MYH14: variants seen among roughly 807,000 people sequenced by gnomAD.
MYH14 encodes the protein myosin heavy chain 14, also known as myosin-14.
A neutral mutation model predicts 255.5 loss-of-function variants in MYH14; 123 were observed. The ratio of observed to expected loss-of-function variants is 0.48; its 90% confidence interval spans 0.42 to 0.56. The LOEUF is 0.56. MYH14 is among the 20% of genes least tolerant of loss of function. MYH14 has a pLI of 0.00. For synonymous variants in MYH14, 1,095 were observed against 1,161.2 expected (o/e 0.94, Z 1.16); for missense variants, 2,423 against 2,802.3 (o/e 0.86, Z 3.06).
chr19:50,242,722 C>T (rs927749479), intron 10 of MYH14, among the ~76,000 whole-genome samples: 1 of 152,196 alleles, frequency 6.6e-6, no homozygotes, highest in Non-Finnish European at 1.5e-5. Context: ...TGCATAGCAT[C>T]ACCATGAAAT....
intron 39 of MYH14, among the ~76,000 whole-genome samples, chr19:50,301,164 G>A (rs899025230): frequency 3.3e-5 from 5 of 152,148 alleles, no homozygotes; most frequent in Non-Finnish European, 5.9e-5. Context: ...GTTTATTGAG[G>A]CCGTGTTTCT....
chr19:50,206,113 CG>C (rs2031734430), intron 1 of MYH14, among the ~76,000 whole-genome samples: 2 of 152,042 alleles, frequency 1.3e-5, no homozygotes, highest in Admixed American at 1.3e-4. Flanking sequence ...AGGCCCTGCC[CG>C]CCCCATCAGG....
chr19:50,274,401 T>C (rs1371126156), intron 27 of MYH14, among the ~76,000 whole-genome samples: 1 of 152,084 alleles, frequency 6.6e-6, no homozygotes, highest in Non-Finnish European at 1.5e-5. Flanking sequence ...TTCAAGCAAT[T>C]CTCCTGCCTC....
Position 50,230,836 on chromosome 19 carries a change from G to A in MYH14, c.973+213G>A. 5.4e-6 allele frequency: 3 copies of A among 553,866 alleles called. No homozygotes were observed. The highest frequency in any genetic ancestry group is 9.7e-6 in the Non-Finnish European group (3 of 309,984). The allele number at this position is 553,866 out of a possible 1,614,324, so 34.3% of individuals were successfully genotyped here. ...CGCTCTGGTTCCAGCTCTGTCCCGG[G>A]TCTGGCTCGCGCCCGCTGTCACGGC... On this transcript the variant is annotated intron_variant, in intron 9 of 42. Coordinates refer to ENST00000642316, the MANE Select transcript of MYH14 (RefSeq NM_001145809.2). This position sits in a 1 kb window ranked among gnomAD's most constrained non-coding sequence, Gnocchi z 4.7.
In MYH14 at chr19:50,259,235, A is replaced by G. The variant is rs1409477675; in HGVS notation, c.2324A>G (p.Asn775Ser). The change falls in exon 19 of 43, where the codon AAC (asparagine) becomes AGC (serine). Residue 775 changes from asparagine to serine, a missense_variant. Around this residue, in one of 3 missense-constraint regions of MYH14, gnomAD observed 672 missense variants for 881.8 expected, o/e 0.76. Coordinates refer to ENST00000642316, the MANE Select transcript of MYH14 (RefSeq NM_001145809.2). ...GIRICRQGFP[N>S]RILFQEFRQR... Reference sequence around the variant, plus strand: ...CGCATCTGTCGCCAGGGCTTCCCCAACCGCATCCTCTTCCAGGAGTTCCGG... The same window carrying G: ...CGCATCTGTCGCCAGGGCTTCCCCAGCCGCATCCTCTTCCAGGAGTTCCGG... 12 of 1,588,320 alleles carry G rather than the reference A, an allele frequency of 7.6e-6. No homozygotes were observed. Among genetic ancestry groups the G allele is most frequent in the African/African-American group, 1.3e-5 (1 of 74,498 alleles).
chr19:50,244,361 C>G, intron 11 of MYH14, 24 bp downstream of exon 11: 1 of 1,603,920 alleles, frequency 6.2e-7, no homozygotes. Flanking sequence ...CCTGCCTGCC[C>G]ACGACCTCCA....
chr19:50,264,954 A>T (rs1399761848), intron 22 of MYH14, among the ~76,000 whole-genome samples: 1 of 152,170 alleles, frequency 6.6e-6, no homozygotes, highest in Non-Finnish European at 1.5e-5. Context: ...GCAGTAATGT[A>T]ATTCTGAATA....
chr19:50,240,445 G>A (rs1054276286), intron 10 of MYH14, among the ~76,000 whole-genome samples: 1 of 152,120 alleles, frequency 6.6e-6, no homozygotes. Flanking sequence ...GCTGGGCATG[G>A]TGGTGAGCAT....
chr19:50,250,492 C>G lies in MYH14; in HGVS notation c.1657-23C>G. ...CCAATATGTGGGGATCTGACTTACT[C>G]TCCCCCTGCTGTCAATGGCCAGGCC... is the stretch of plus-strand genomic sequence containing the variant. On this transcript the variant is annotated intron_variant, in intron 14 of 42. Transcript: ENST00000642316. This position sits in a 1 kb window ranked among gnomAD's most constrained non-coding sequence, Gnocchi z 5.4. 6.2e-7 allele frequency: 1 copy of G among 1,606,832 alleles called. No homozygotes were observed. Among genetic ancestry groups the G allele is most frequent in the Non-Finnish European group, 8.5e-7 (1 of 1,176,274 alleles).
Position 50,271,273 on chromosome 19 carries a change from G to A in MYH14, c.3034-136G>A, listed in dbSNP as rs369680891. On this transcript the variant is annotated intron_variant, in intron 24 of 42. Coordinates refer to ENST00000642316, the MANE Select transcript of MYH14 (RefSeq NM_001145809.2). ...GCCAATAAGAGTTTGATCCTTCCCG[G>A]CCTCACCCAGGGCATGGACATCTCT... 4.2e-4 allele frequency: 353 copies of A among 848,354 alleles called. 3 individuals are homozygous for A. In the East Asian group the frequency reaches 7.9e-3, roughly 19 times the overall value. 52.6% of individuals were successfully genotyped at this position (848,354 alleles called of 1,614,324 possible). A position where few individuals can be genotyped will look rare whatever the true frequency, so the allele number is the denominator to read the frequency against.
Position 50,276,072 on chromosome 19 carries a change from G to A in MYH14, c.3549G>A (p.Glu1183=). The change falls in exon 28 of 43, where the codon GAG becomes GAA. Residue 1183 remains glutamate, a synonymous_variant. Coordinates refer to ENST00000642316, the MANE Select transcript of MYH14 (RefSeq NM_001145809.2). This position sits in a 1 kb window ranked among gnomAD's most constrained non-coding sequence, Gnocchi z 4.3. ...AAGCAGCCCTGGCCGAGGCCCAGGA[G>A]GACCTGGAGTCTGAGCGTGTGGCCA... ...EAQAALAEAQ[E]DLESERVART... 6.2e-7 allele frequency: 1 copy of A among 1,611,630 alleles called. No homozygotes were observed. The highest frequency in any genetic ancestry group is 8.5e-7 in the Non-Finnish European group (1 of 1,179,274).
At chr19:50,263,680 G>T (rs533945863) in intron 22 of MYH14, among the ~76,000 whole-genome samples, 2 of 152,286 alleles carry the variant, frequency 1.3e-5, no homozygotes, top group Admixed American at 6.5e-5. Context: ...TCTGTTCAAG[G>T]ATTTGCTGGA....
chr19:50,301,653 T>G lies in MYH14; in HGVS notation c.5470-8T>G. The G allele has an allele frequency of 1.2e-6, 2 of 1,606,272 alleles. No homozygotes were observed. Among genetic ancestry groups the G allele is most frequent in the Non-Finnish European group, 1.7e-6 (2 of 1,173,578 alleles). On this transcript the variant is annotated splice_polypyrimidine_tract_variant and splice_region_variant and intron_variant, in intron 39 of 42. Coordinates refer to ENST00000642316, the MANE Select transcript of MYH14 (RefSeq NM_001145809.2). Reference sequence around the variant, plus strand: ...ACCATGACATCCTTCCTTCCCCTCCTGCTACAGGTAGAGTCACTGACCACA... The same window carrying G: ...ACCATGACATCCTTCCTTCCCCTCCGGCTACAGGTAGAGTCACTGACCACA...
At chr19:50,231,800 T>C in intron 9 of MYH14, 130 bp from the exon 10 acceptor site, 1 of 1,247,980 alleles carries the variant, frequency 8.0e-7, no homozygotes, top group Non-Finnish European at 1.1e-6. Flanking sequence ...CCCACCACAC[T>C]TGTGAGTAAA....
intron 39 of MYH14, among the ~76,000 whole-genome samples, chr19:50,295,047 C>T (rs1038683643): frequency 1.3e-5 from 2 of 149,398 alleles, no homozygotes; most frequent in African/African-American, 5.0e-5. Flanking sequence ...CAGGTGTGGC[C>T]GGGCGCGGTG....
At chr19:50,275,547 C>T (rs2035472053) in intron 27 of MYH14, among the ~76,000 whole-genome samples, 1 of 152,212 alleles carries the variant, frequency 6.6e-6, no homozygotes, top group African/African-American at 2.4e-5. Flanking sequence ...ATGAGTCAGG[C>T]TGGGCGAAGT....
At position 50,249,152 on chromosome 19, in the gene MYH14, G is replaced by A; in HGVS notation, c.1482+13G>A. The A allele has an allele frequency of 6.4e-7, 1 of 1,560,428 alleles. No individual in the cohort carries two copies. The highest frequency in any genetic ancestry group is 1.2e-5 in the South Asian group (1 of 84,188). On this transcript the variant is annotated intron_variant, in intron 13 of 42. Transcript: ENST00000642316. Reference sequence around the variant, plus strand: ...TGAGATCTTCCAGGTCCACCCTTGTGCTGGGAGGGGGATGCCAACTTCCTC... The same window carrying A: ...TGAGATCTTCCAGGTCCACCCTTGTACTGGGAGGGGGATGCCAACTTCCTC...
chr19:50,300,474 C>T (rs186113620), intron 39 of MYH14, among the ~76,000 whole-genome samples: 84 of 152,176 alleles, frequency 5.5e-4, no homozygotes, highest in African/African-American at 1.8e-3. Context: ...TGAGGCCGGG[C>T]GTGGTGGCTC....
At chr19:50,248,903 G>A in intron 12 of MYH14, 84 bp from the exon 13 acceptor site, 1 of 1,473,590 alleles carries the variant, frequency 6.8e-7, no homozygotes, top group Non-Finnish European at 9.3e-7. Context: ...GGGACGAGCT[G>A]GGGGCCCTTC....
Sources: gnomAD v4.1 joint callset for allele counts (sites outside exome capture counted in the v4.1 genomes callset) on GRCh38, gnomAD v4.1.1 for gene constraint, gnomAD v4.1.1 regional missense constraint, Gnocchi (gnomAD v3.1) non-coding constraint, MANE v1.5 for transcripts, NCBI Gene and HGNC (gene_info 2026-07-23, HGNC 2026-07-21) for gene names.